Variants in NLGN1 observed in about 807,000 individuals in gnomAD.
NLGN1 encodes neuroligin-1.
A neutral mutation model predicts 65.5 loss-of-function variants in NLGN1; 12 were observed. The observed-to-expected ratio is 0.18, with a 90% CI of 0.12 to 0.30. NLGN1 has a LOEUF of 0.30. Among genes scored for constraint, NLGN1 ranks in the 10% least tolerant of loss-of-function variants. The probability of loss-of-function intolerance (pLI) is 1.00; values close to 1 mark genes in which losing one functional copy is unlikely to be tolerated. For synonymous variants in NLGN1, 350 were observed against 359.5 expected (o/e 0.97, Z 0.30); for missense variants, 750 against 1,007.1 (o/e 0.74, Z 3.46).
At chr3:174,033,049 C>T (rs1730374210) in intron 4 of NLGN1, among the ~76,000 whole-genome samples, 2 of 151,932 alleles carry the variant, frequency 1.3e-5, no homozygotes, top group South Asian at 4.1e-4. Flanking sequence ...TAGAGAATCA[C>T]TAGTGAAGGT....
chr3:173,959,012 G>A (rs1230366297), intron 4 of NLGN1, among the ~76,000 whole-genome samples: 1 of 152,226 alleles, frequency 6.6e-6, no homozygotes, highest in Non-Finnish European at 1.5e-5. Flanking sequence ...GGAGAGGCCA[G>A]GCAGTGGAAG....
At position 174,096,991 on chromosome 3, in the gene NLGN1, G is replaced by GT. The variant is rs536083957; in HGVS notation, c.647-178313dup. 6.8e-4 allele frequency among the ~76,000 whole-genome samples: 100 copies of GT among 147,146 alleles called. 1 individual carries two copies. Among genetic ancestry groups the GT allele is most frequent in the Middle Eastern group, 3.6e-3 (1 of 278 alleles). ...TGTGTGTAATCATGTGTGTCTATAA[G>GT]TTTTTTTTTTTAACTAATGGCTTGT... On this transcript the variant is annotated intron_variant, in intron 4 of 6. Transcript: ENST00000457714.
At position 173,566,206 on chromosome 3, in the gene NLGN1, CT is replaced by C. The variant is rs1301292680; in HGVS notation, c.-320-38072del. 5.3e-5 allele frequency among the ~76,000 whole-genome samples: 8 copies of C among 152,268 alleles called. No homozygotes were observed. In the South Asian group the frequency reaches 1.7e-3, roughly 32 times the overall value. On this transcript the variant is annotated intron_variant, in intron 2 of 6. Transcript: ENST00000457714. ...CTGGTTAGTAAATGGGTTAACCGAT[CT>C]GTACATTTCATGCATCATGGTTTCA...
chr3:173,491,770 T>C, intron 2 of NLGN1, among the ~76,000 whole-genome samples: 1 of 151,798 alleles, frequency 6.6e-6, no homozygotes, highest in Non-Finnish European at 1.5e-5. Flanking sequence ...CGTCAAAATC[T>C]CCTAAACTGA....
chr3:173,735,340 A>G (rs1220118790), intron 3 of NLGN1, among the ~76,000 whole-genome samples: 1 of 152,136 alleles, frequency 6.6e-6, no homozygotes, highest in Non-Finnish European at 1.5e-5. Context: ...GGAACTACTG[A>G]AACACTTTTA....
chr3:173,440,030 C>A (rs895952804), intron 2 of NLGN1, among the ~76,000 whole-genome samples: 1 of 152,158 alleles, frequency 6.6e-6, no homozygotes, highest in Non-Finnish European at 1.5e-5. Context: ...AATTCTCTCT[C>A]TTAGTTGCTT....
At chr3:173,493,020 AAT>A (rs1336728964) in intron 2 of NLGN1, among the ~76,000 whole-genome samples, 1 of 151,806 alleles carries the variant, frequency 6.6e-6, no homozygotes, top group African/African-American at 2.4e-5. Context: ...TATGTTAATG[AAT>A]ATTTCTCCAG....
chr3:173,593,127 T>C (rs1179776682), intron 2 of NLGN1, among the ~76,000 whole-genome samples: 1 of 152,228 alleles, frequency 6.6e-6, no homozygotes, highest in Non-Finnish European at 1.5e-5. Flanking sequence ...CAAAATACCC[T>C]GCATTATCCT....
At chr3:174,241,663 T>C (rs894328068) in intron 4 of NLGN1, among the ~76,000 whole-genome samples, 3 of 151,874 alleles carry the variant, frequency 2.0e-5, no homozygotes, top group Non-Finnish European at 2.9e-5. Flanking sequence ...TTTTTTTTTT[T>C]TTCTTTTTGA....
Position 173,937,105 on chromosome 3 carries a change from C to G in NLGN1, c.646+129273C>G, listed in dbSNP as rs149565231. 6.3e-4 allele frequency among the ~76,000 whole-genome samples: 96 copies of G among 152,142 alleles called. 1 individual carries two copies. The highest frequency in any genetic ancestry group is 3.3e-3 in the East Asian group (17 of 5,172). On this transcript the variant is annotated intron_variant, in intron 4 of 6. Transcript: ENST00000457714. ...CCCCTCAGCTTCCTCTGATCCCACA[C>G]TATAGGTCCCAGAGCATTCAGTGAG... is the stretch of plus-strand genomic sequence containing the variant.
intron 3 of NLGN1, chr3:173,789,811 T>G (rs1712241155): frequency 2.0e-6 from 1 of 488,360 alleles, no homozygotes; most frequent in African/African-American, 1.9e-5. Context: ...AAGTTCAAAT[T>G]CAAACTTTCA....
chr3:173,600,224 C>CACACACAT (rs1750242704), intron 2 of NLGN1, among the ~76,000 whole-genome samples: 1 of 151,722 alleles, frequency 6.6e-6, no homozygotes, highest in South Asian at 2.1e-4. Flanking sequence ...CACACACACA[C>CACACACAT]ACGTGTATGT....
At chr3:173,633,525 G>A (rs1756085352) in intron 3 of NLGN1, among the ~76,000 whole-genome samples, 2 of 152,118 alleles carry the variant, frequency 1.3e-5, no homozygotes, top group Admixed American at 1.3e-4. Context: ...CCTGGAAAGA[G>A]GAATTTGGTG....
At chr3:173,634,919 C>A (rs191523468) in intron 3 of NLGN1, among the ~76,000 whole-genome samples, 1 of 151,962 alleles carries the variant, frequency 6.6e-6, no homozygotes, top group Admixed American at 6.6e-5. Context: ...TCTAAGTAGG[C>A]GTGTAACAGA....
chr3:173,857,129 T>C (rs1019354563), intron 4 of NLGN1, among the ~76,000 whole-genome samples: 2 of 151,970 alleles, frequency 1.3e-5, no homozygotes, highest in East Asian at 1.9e-4. Flanking sequence ...CCTGGACACA[T>C]GAAGGAGTAA....
chr3:173,678,700 TAGG>T (rs1157959671), intron 3 of NLGN1, among the ~76,000 whole-genome samples: 1 of 152,038 alleles, frequency 6.6e-6, no homozygotes, highest in Non-Finnish European at 1.5e-5. Context: ...ATTTTTAAAT[TAGG>T]AGAGTGATGT....
chr3:173,734,823 A>C (rs1205313041), intron 3 of NLGN1, among the ~76,000 whole-genome samples: 2 of 152,092 alleles, frequency 1.3e-5, no homozygotes, highest in Non-Finnish European at 2.9e-5. Flanking sequence ...TCTTCAACAA[A>C]TTATTGCAAT....
At chr3:173,404,161 C>CT (rs1718196484) in intron 1 of NLGN1, among the ~76,000 whole-genome samples, 1 of 152,080 alleles carries the variant, frequency 6.6e-6, no homozygotes, top group South Asian at 2.1e-4. Flanking sequence ...TGTGTCTCAA[C>CT]TTTTTTTCCC....
At chr3:174,015,742 A>G (rs542605205) in intron 4 of NLGN1, among the ~76,000 whole-genome samples, 1 of 152,186 alleles carries the variant, frequency 6.6e-6, no homozygotes, top group Admixed American at 6.6e-5. Context: ...GCCCAAGGTT[A>G]TTACACCAAT....
Sources: gnomAD v4.1 joint callset for allele counts (sites outside exome capture counted in the v4.1 genomes callset) on GRCh38, gnomAD v4.1.1 for gene constraint, MANE v1.5 for transcripts, NCBI Gene and HGNC (gene_info 2026-07-23, HGNC 2026-07-21) for gene names.